Variants in RASSF8 observed in about 807,000 individuals in gnomAD.
RASSF8 encodes the protein ras association domain-containing protein 8.
A neutral mutation model predicts 48.5 loss-of-function variants in RASSF8; 22 were observed. The observed-to-expected ratio is 0.45, with a 90% CI of 0.32 to 0.65. The LOEUF (loss-of-function observed/expected upper bound fraction) is 0.65. Among genes scored for constraint, RASSF8 ranks in the 30% least tolerant of loss-of-function variants. RASSF8 has a pLI of 0.03. For synonymous variants in RASSF8, 127 were observed against 171.5 expected (o/e 0.74, Z 2.03); for missense variants, 418 against 489.2 (o/e 0.85, Z 1.37).
At chr12:26,021,561 G>C (rs1942787753) in intron 2 of RASSF8, 1 of 152,346 alleles carries the variant, frequency 6.6e-6, no homozygotes, top group South Asian at 2.1e-4. Context: ...CCTCCACCCA[G>C]CCCCTACGCA....
At chr12:26,018,756 T>C (rs1942714372) in intron 2 of RASSF8, among the ~76,000 whole-genome samples, 1 of 152,198 alleles carries the variant, frequency 6.6e-6, no homozygotes, top group African/African-American at 2.4e-5. Context: ...GGAAGTAAAT[T>C]GGCAGATTTG....
intron 2 of RASSF8, among the ~76,000 whole-genome samples, chr12:26,053,958 T>C (rs1258858380): frequency 6.6e-6 from 1 of 152,230 alleles, no homozygotes; most frequent in Non-Finnish European, 1.5e-5. Context: ...TTAGGTCTTT[T>C]AAAAGAATGT....
At position 26,010,746 on chromosome 12, in the gene RASSF8, G is replaced by T. The variant is rs1303134907; in HGVS notation, c.-109+15616G>T. ...TGCTTCTGGGCTGAACAATTCTATT[G>T]TTGGTGATAGGAGAGGGCGGGGAAT... On this transcript the variant is annotated intron_variant, in intron 2 of 5. Transcript: ENST00000689635. Among the ~76,000 whole-genome samples, 5 of 152,244 alleles carry T rather than the reference G, an allele frequency of 3.3e-5. No homozygotes were observed. The East Asian group carries it at 5.8e-4, about 18-fold the overall frequency.
At chr12:26,043,754 G>A (rs1183705246) in intron 2 of RASSF8, among the ~76,000 whole-genome samples, 1 of 152,174 alleles carries the variant, frequency 6.6e-6, no homozygotes, top group Non-Finnish European at 1.5e-5. Flanking sequence ...AGAAAGAATG[G>A]ACGATTGCTA....
At chr12:26,035,465 ATTAT>A (rs1179690867) in intron 2 of RASSF8, among the ~76,000 whole-genome samples, 7 of 130,010 alleles carry the variant, frequency 5.4e-5, no homozygotes, top group African/African-American at 8.9e-5. Flanking sequence ...AAATTATATA[ATTAT>A]ATTATATAAT....
At chr12:26,009,015 T>C (rs1942460146) in intron 2 of RASSF8, among the ~76,000 whole-genome samples, 1 of 152,194 alleles carries the variant, frequency 6.6e-6, no homozygotes, top group Admixed American at 6.5e-5. Context: ...CCAGTGTTTT[T>C]TCTTGCACAC....
chr12:25,968,222 A>G (rs1941403052), intron 1 of RASSF8, among the ~76,000 whole-genome samples: 1 of 152,220 alleles, frequency 6.6e-6, no homozygotes, highest in Non-Finnish European at 1.5e-5. Context: ...AACCAGTGGA[A>G]ACTTTTCAGC....
chr12:26,057,100 T>TTGTG (rs57510363), intron 3 of RASSF8, among the ~76,000 whole-genome samples: 30,849 of 128,800 alleles, frequency 0.24, 3,276 homozygotes, highest in African/African-American at 0.27. Flanking sequence ...AATGACACTT[T>TTGTG]TGTGTGTGTG....
At chr12:26,043,865 G>A (rs765218928) in intron 2 of RASSF8, among the ~76,000 whole-genome samples, 4 of 152,120 alleles carry the variant, frequency 2.6e-5, no homozygotes, top group Non-Finnish European at 4.4e-5. Context: ...CCAAAAACAG[G>A]CAAAACTAGT....
intron 1 of RASSF8, among the ~76,000 whole-genome samples, chr12:25,961,309 C>A (rs1159448425): frequency 6.6e-6 from 1 of 152,118 alleles, no homozygotes; most frequent in Non-Finnish European, 1.5e-5. Context: ...TCTTAGATAT[C>A]TTGCTAGTGT....
chr12:25,997,463 GTA>G lies in RASSF8; in HGVS notation c.-109+2335_-109+2336del, dbSNP rs773117731. ...ATATTTTATATTTTAAAGGGTGTGT[GTA>G]TGTGTGTGTGTGAGTGTATGTGTTT... is the stretch of plus-strand genomic sequence containing the variant. On this transcript the variant is annotated intron_variant, in intron 2 of 5. Coordinates refer to ENST00000689635, the MANE Select transcript of RASSF8 (RefSeq NM_001394098.1). Among the ~76,000 whole-genome samples the G allele has an allele frequency of 4.6e-5, 7 of 152,188 alleles. No individual in the cohort carries two copies. The South Asian group carries it at 8.3e-4, about 18-fold the overall frequency.
intron 4 of RASSF8, among the ~76,000 whole-genome samples, 192 bp downstream of exon 4, chr12:26,065,579 T>C (rs1364778684): frequency 6.6e-6 from 1 of 152,238 alleles, no homozygotes; most frequent in Non-Finnish European, 1.5e-5. Flanking sequence ...TCCTTCTCCA[T>C]GGAAGAGCCT....
intron 2 of RASSF8, among the ~76,000 whole-genome samples, chr12:26,039,160 CAGA>C (rs1433783847): frequency 6.6e-6 from 1 of 152,180 alleles, no homozygotes; most frequent in African/African-American, 2.4e-5. Flanking sequence ...AGGTCAGGTT[CAGA>C]AGGTGAATTC....
At chr12:25,968,473 G>T (rs1217400007) in intron 1 of RASSF8, among the ~76,000 whole-genome samples, 1 of 152,194 alleles carries the variant, frequency 6.6e-6, no homozygotes, top group Non-Finnish European at 1.5e-5. Flanking sequence ...CTCCCGAGTA[G>T]CTGGGATTAT....
chr12:26,051,696 A>G (rs1943494197), intron 2 of RASSF8, among the ~76,000 whole-genome samples: 2 of 152,178 alleles, frequency 1.3e-5, no homozygotes, highest in South Asian at 4.1e-4. Context: ...AGAAGTCTCT[A>G]TTTCAAAGTC....
chr12:25,978,764 GCCT>G (rs978145377), intron 1 of RASSF8, among the ~76,000 whole-genome samples: 4 of 151,892 alleles, frequency 2.6e-5, no homozygotes, highest in Non-Finnish European at 4.4e-5. Flanking sequence ...TTTATGAGGT[GCCT>G]ATTTCCCTGC....
rs550706943 is a variant in RASSF8 at position 26,004,731 on chromosome 12, A to G, written c.-109+9601A>G. Among the ~76,000 whole-genome samples the G allele has an allele frequency of 2.4e-3, 366 of 150,650 alleles. 16 individuals carry two copies. The highest frequency in any genetic ancestry group is 1.0e-2 in the South Asian group (46 of 4,612). On this transcript the variant is annotated intron_variant, in intron 2 of 5. Transcript: ENST00000689635. The stretch of plus-strand genomic sequence containing the variant: ...AGGCTGAGGAAGAGGAGGAGGAGGA[A>G]GGGGAGCTCTTCTGACATGACATGA...
chr12:26,047,174 A>G (rs917254919), intron 2 of RASSF8, among the ~76,000 whole-genome samples: 6 of 152,140 alleles, frequency 3.9e-5, no homozygotes, highest in Non-Finnish European at 2.9e-5. Context: ...ATGGCTTTTT[A>G]TGTTCCTTTT....
rs1943946613 is a variant in RASSF8, at chr12:26,069,110, T to C, written c.*292T>C. On this transcript the variant is annotated 3_prime_UTR_variant, in exon 6 of 6. Transcript: ENST00000689635. Reference sequence around the variant, plus strand: ...CTTTAGGAAAGTATTATATAGTGTGTATACATAAATAAGCCGTGACTTAAG... The same window carrying C: ...CTTTAGGAAAGTATTATATAGTGTGCATACATAAATAAGCCGTGACTTAAG... The C allele has an allele frequency of 2.0e-6, 2 of 1,010,480 alleles. No homozygotes were observed. Among genetic ancestry groups the C allele is most frequent in the Non-Finnish European group, 2.4e-6 (2 of 846,412 alleles). 62.6% of individuals were successfully genotyped at this position (1,010,480 alleles called of 1,614,324 possible). A position where few individuals can be genotyped will look rare whatever the true frequency, so the allele number is the denominator to read the frequency against.
Sources: gnomAD v4.1 joint callset for allele counts (sites outside exome capture counted in the v4.1 genomes callset) on GRCh38, gnomAD v4.1.1 for gene constraint, MANE v1.5 for transcripts, NCBI Gene and HGNC (gene_info 2026-07-23, HGNC 2026-07-21) for gene names.